The following ATXN7 variants were observed in gnomAD, a reference collection of about 807,000 sequenced individuals.
The protein encoded by ATXN7 is ataxin 7.
A neutral mutation model predicts 70.5 loss-of-function variants in ATXN7; 12 were observed. The ratio of observed to expected loss-of-function variants is 0.17; its 90% CI spans 0.11 to 0.28. The LOEUF (loss-of-function observed/expected upper bound fraction) is 0.28, where lower values mean the gene tolerates loss of function less well. ATXN7 is among the 10% of genes least tolerant of loss of function. The pLI is 1.00. For synonymous variants in ATXN7, 498 were observed against 448.7 expected, an observed-to-expected ratio of 1.11 and a Z score of -1.39; for missense variants, 1,256 against 1,131.7, an observed-to-expected ratio of 1.11 and a Z score of -1.58.
intron 4 of ATXN7, among the ~76,000 whole-genome samples, chr3:63,948,136 A>C (rs989055954): frequency 6.6e-6 from 1 of 152,138 alleles, no homozygotes; most frequent in Non-Finnish European, 1.5e-5. Flanking sequence ...AGTTCATTGA[A>C]AGGGTGCTGG....
intron 4 of ATXN7, among the ~76,000 whole-genome samples, chr3:63,930,869 T>A (rs1559636499): frequency 6.6e-6 from 1 of 152,138 alleles, no homozygotes; most frequent in Non-Finnish European, 1.5e-5. Flanking sequence ...GTATCTGTAC[T>A]GCTTAAGAAT....
At chr3:63,924,702 A>C (rs1419688923) in intron 4 of ATXN7, among the ~76,000 whole-genome samples, 1 of 152,132 alleles carries the variant, frequency 6.6e-6, no homozygotes, top group Non-Finnish European at 1.5e-5. Context: ...TAATGACCTT[A>C]ATCTGGAGAG....
intron 8 of ATXN7, among the ~76,000 whole-genome samples, chr3:63,983,845 C>G (rs901552417): frequency 5.9e-5 from 9 of 151,928 alleles, no homozygotes; most frequent in African/African-American, 2.2e-4. Context: ...GGAGGGTGTC[C>G]CCAGCTACCC....
intron 4 of ATXN7, among the ~76,000 whole-genome samples, chr3:63,918,127 G>A (rs1367743415): frequency 6.6e-6 from 1 of 152,108 alleles, no homozygotes; most frequent in Non-Finnish European, 1.5e-5. Flanking sequence ...ATTGAGCCTG[G>A]GGCAAGATGG....
At chr3:63,988,743 G>A (rs1462390858) in intron 9 of ATXN7, among the ~76,000 whole-genome samples, 3 of 152,154 alleles carry the variant, frequency 2.0e-5, no homozygotes, top group Admixed American at 6.5e-5. Flanking sequence ...TACAGCATCC[G>A]TTTATCAATG....
In ATXN7 at chr3:63,914,646, G is replaced by A. The variant is rs1575887568; in HGVS notation, c.394+1421G>A. Among the ~76,000 whole-genome samples the A allele has an allele frequency of 2.0e-5, 3 of 152,152 alleles. No individual in the cohort carries two copies. The South Asian group carries it at 6.2e-4, about 32-fold the overall frequency. On this transcript the variant is annotated intron_variant, in intron 4 of 12. Coordinates refer to ENST00000674280, the MANE Select transcript of ATXN7 (RefSeq NM_001377405.1). ...TGTTCTTAGTTTTCATTCTCTGGGT[G>A]TGGATACATATCCTATAAAACGTTT...
chr3:63,968,712 C>G (rs1267840244), intron 5 of ATXN7, among the ~76,000 whole-genome samples: 1 of 152,120 alleles, frequency 6.6e-6, no homozygotes, highest in Non-Finnish European at 1.5e-5. Flanking sequence ...TTAAGGTAGC[C>G]AGCAGAGCTA....
rs186693548 is a variant in ATXN7 at position 63,982,915 on chromosome 3, G to A, written c.1013-24G>A. The A allele has an allele frequency of 2.9e-4, 455 of 1,593,182 alleles. 4 individuals are homozygous for A. The Admixed American group carries it at 7.4e-3, about 26-fold the overall frequency. ...TGGAGGAGAGTTTGTCAGGCCACATGTAATGCCTGTGTTCTTTTGACAGAA... is the reference window on the plus strand; with the variant it reads ...TGGAGGAGAGTTTGTCAGGCCACATATAATGCCTGTGTTCTTTTGACAGAA... On this transcript the variant is annotated intron_variant, in intron 7 of 12. Transcript: ENST00000674280.
intron 4 of ATXN7, among the ~76,000 whole-genome samples, chr3:63,949,699 A>C (rs143189253): frequency 6.6e-6 from 1 of 152,118 alleles, no homozygotes; most frequent in Non-Finnish European, 1.5e-5. Flanking sequence ...CGCCTGGCCC[A>C]GGGAGCTCAG....
chr3:63,967,608 T>G (rs1269446018), intron 5 of ATXN7: 2 of 320,502 alleles, frequency 6.2e-6, no homozygotes, highest in Non-Finnish European at 1.1e-5. Flanking sequence ...TATAAGTAAT[T>G]TGCATTTTAG....
intron 1 of ATXN7, among the ~76,000 whole-genome samples, chr3:63,894,623 C>G (rs1054469411): frequency 2.6e-5 from 4 of 152,158 alleles, no homozygotes; most frequent in Admixed American, 1.3e-4. Context: ...TTCCCAGGCT[C>G]AAGTGATCCT....
At chr3:63,998,116 T>C (rs1025575557) in intron 12 of ATXN7, 14 of 983,642 alleles carry the variant, frequency 1.4e-5, no homozygotes, top group Non-Finnish European at 1.7e-5. Context: ...GTAATGTCCA[T>C]CTCACATCTG....
At chr3:63,990,109 A>G in intron 9 of ATXN7, 67 bp from the exon 10 acceptor site, 2 of 1,495,032 alleles carry the variant, frequency 1.3e-6, no homozygotes, top group Non-Finnish European at 1.8e-6. Context: ...ACACTGTTGT[A>G]TCTCAGTTAA....
intron 2 of ATXN7, chr3:63,905,238 G>A (rs1703795708): frequency 6.6e-6 from 1 of 151,880 alleles, no homozygotes; most frequent in Non-Finnish European, 1.5e-5. Context: ...TTGAGACGGA[G>A]TCTTATTCTG....
chr3:63,877,453 A>G (rs915402362), intron 1 of ATXN7, among the ~76,000 whole-genome samples: 3 of 152,248 alleles, frequency 2.0e-5, no homozygotes, highest in African/African-American at 7.2e-5. Context: ...AGTGTGAACC[A>G]AATTTTGTTA....
At chr3:63,917,655 C>T (rs1704338257) in intron 4 of ATXN7, among the ~76,000 whole-genome samples, 1 of 152,158 alleles carries the variant, frequency 6.6e-6, no homozygotes, top group Admixed American at 6.5e-5. Context: ...GCATTTGAAA[C>T]TCTGCATTAT....
chr3:63,949,014 TATTA>T (rs758543201), intron 4 of ATXN7, among the ~76,000 whole-genome samples: 2 of 152,338 alleles, frequency 1.3e-5, no homozygotes, highest in East Asian at 1.9e-4. Flanking sequence ...AATTCATTTT[TATTA>T]ATTTTATATT....
intron 1 of ATXN7, among the ~76,000 whole-genome samples, chr3:63,874,710 G>A (rs896981770): frequency 6.6e-6 from 1 of 152,164 alleles, no homozygotes; most frequent in Non-Finnish European, 1.5e-5. Context: ...CTCCTTTTCT[G>A]GATTCTGAAG....
At chr3:63,967,598 T>C (rs892577338) in intron 5 of ATXN7, 6 of 280,412 alleles carry the variant, frequency 2.1e-5, no homozygotes, top group Middle Eastern at 1.2e-3. Context: ...ATTCACAAAA[T>C]ATAAGTAATT....
Sources: gnomAD v4.1 joint callset for allele counts (sites outside exome capture counted in the v4.1 genomes callset) on GRCh38, gnomAD v4.1.1 for gene constraint, MANE v1.5 for transcripts, NCBI Gene and HGNC (gene_info 2026-07-23, HGNC 2026-07-21) for gene names.